The following SLC52A3 variants were observed in gnomAD, a reference collection of about 807,000 sequenced individuals.
SLC52A3 encodes the protein solute carrier family 52, riboflavin transporter, member 3.
Under a neutral mutation model 29.5 loss-of-function variants are expected in SLC52A3, and 20 were observed. The ratio of observed to expected loss-of-function variants is 0.68; its 90% CI spans 0.48 to 0.99. The LOEUF (loss-of-function observed/expected upper bound fraction) is 0.99. SLC52A3 is among the 50% of genes least tolerant of loss of function. The pLI is 0.00. For synonymous variants in SLC52A3, 301 were observed against 271.0 expected (o/e 1.11, Z -1.09); for missense variants, 548 against 612.9 (o/e 0.89, Z 1.12).
intron 2 of SLC52A3, 27 bp from the exon 3 acceptor site, chr20:764,030 T>C: frequency 1.1e-6 from 1 of 888,102 alleles, no homozygotes; most frequent in Non-Finnish European, 1.7e-6. Flanking sequence ...AGATCCCTGG[T>C]CAGGGGAGGG....
chr20:779,960 T>G (rs531588204), upstream of SLC52A3, among the ~76,000 whole-genome samples: 2 of 152,336 alleles, frequency 1.3e-5, no homozygotes, highest in African/African-American at 4.8e-5. Context: ...CTCTTGAGGT[T>G]GCAAGATAAC....
chr20:771,671 A>G (rs1427456976), upstream of SLC52A3, among the ~76,000 whole-genome samples: 1 of 100,174 alleles, frequency 1.0e-5, no homozygotes, highest in Non-Finnish European at 2.4e-5. Context: ...AGAGATATGA[A>G]AAAAAAAAAA....
At chr20:762,176 G>T (rs1222732053) in intron 3 of SLC52A3, among the ~76,000 whole-genome samples, 2 of 152,218 alleles carry the variant, frequency 1.3e-5, no homozygotes, top group African/African-American at 4.8e-5. Context: ...AGCAGAGCAT[G>T]CAGGCCTGGC....
chr20:761,513 C>A, intron 4 of SLC52A3, 188 bp downstream of exon 4: 1 of 854,462 alleles, frequency 1.2e-6, no homozygotes, highest in Non-Finnish European at 1.8e-6. Flanking sequence ...TGGGAAGAGG[C>A]CTACCAGTCA....
upstream of SLC52A3, among the ~76,000 whole-genome samples, chr20:773,130 G>A (rs1389244320): frequency 1.3e-5 from 2 of 152,178 alleles, no homozygotes; most frequent in African/African-American, 4.8e-5. Context: ...GTTTTTAACA[G>A]GATCGTGCTG....
Position 763,744 on chromosome 20 carries a change from G to T in SLC52A3, c.827C>A (p.Ala276Glu). 1 of 1,614,172 alleles carries T rather than the reference G, an allele frequency of 6.2e-7. No individual in the cohort carries two copies. The highest frequency in any genetic ancestry group is 2.2e-5 in the East Asian group (1 of 44,892). The stretch of plus-strand genomic sequence containing the variant: ...GCCCTGGCTGCTGTCCACCGTGCCT[G>T]CAGGGCCCAAGTCATTCTCTTCCCG... ...RPREENDLGP[A>E]GTVDSSQGQG... Residue 276 changes from alanine to glutamate, a missense_variant, in exon 3 of 5, where the codon GCA becomes GAA. This residue lies in a region of SLC52A3 where 375 missense variants were observed against 471.1 expected (regional missense o/e 0.80). Transcript: ENST00000645534.
chr20:769,399 C>T (rs1315066816), upstream of SLC52A3, among the ~76,000 whole-genome samples: 1 of 152,150 alleles, frequency 6.6e-6, no homozygotes, highest in East Asian at 1.9e-4. Context: ...AGCTTCAACC[C>T]TTACAAGCTG....
Position 765,897 on chromosome 20 carries a change from G to GC in SLC52A3, c.-51-73_-51-72insG. 1.1e-6 allele frequency: 1 copy of GC among 937,874 alleles called. No individual in the cohort carries two copies. Among genetic ancestry groups the GC allele is most frequent in the Non-Finnish European group, 1.7e-6 (1 of 603,576 alleles). 58.1% of individuals were successfully genotyped at this position (937,874 alleles called of 1,614,324 possible). A position where few individuals can be genotyped will look rare whatever the true frequency, so the allele number is the denominator to read the frequency against. On this transcript the variant is annotated intron_variant, in intron 1 of 4. Transcript: ENST00000645534. This position sits in a 1 kb window ranked among gnomAD's most constrained non-coding sequence, Gnocchi z 6.6. ...GCAAGATGCTGGGACCTGGGGCCCA[G>GC]AGTTTTCTCTTATTACTCCCCTTCC...
upstream of SLC52A3, among the ~76,000 whole-genome samples, chr20:770,898 G>A (rs1328982313): frequency 6.6e-6 from 1 of 152,176 alleles, no homozygotes; most frequent in African/African-American, 2.4e-5. This position sits in a 1 kb window ranked among gnomAD's most constrained non-coding sequence, Gnocchi z 4.5. Context: ...CCATTTGGCT[G>A]TCTGGAATCA....
At chr20:778,125 C>T (rs762485607), upstream of SLC52A3, among the ~76,000 whole-genome samples, 67 of 151,726 alleles carry the variant, frequency 4.4e-4, no homozygotes, top group Admixed American at 7.9e-4. Flanking sequence ...AAGTGATTCT[C>T]CTGCCACAGC....
intron 2 of SLC52A3, among the ~76,000 whole-genome samples, chr20:764,652 A>G (rs937850653): frequency 6.6e-6 from 1 of 152,230 alleles, no homozygotes; most frequent in Non-Finnish European, 1.5e-5. Context: ...CTATTGGCAT[A>G]TTTTTTATTT....
chr20:777,319 A>C (rs1326328305), upstream of SLC52A3, among the ~76,000 whole-genome samples: 1 of 152,146 alleles, frequency 6.6e-6, no homozygotes, highest in East Asian at 1.9e-4. Flanking sequence ...GCCAACCTGC[A>C]ACAGTGGTGT....
chr20:773,315 C>A (rs547253085), upstream of SLC52A3, among the ~76,000 whole-genome samples: 2 of 152,316 alleles, frequency 1.3e-5, no homozygotes, highest in African/African-American at 4.8e-5. Context: ...GAACACATTA[C>A]CTGTCAAATC....
upstream of SLC52A3, among the ~76,000 whole-genome samples, chr20:769,884 G>A (rs1986796447): frequency 1.3e-5 from 2 of 152,020 alleles, no homozygotes; most frequent in South Asian, 2.1e-4. Context: ...GCAACAGAGC[G>A]AGACTCCATC....
At chr20:773,043 C>T (rs920060583), upstream of SLC52A3, among the ~76,000 whole-genome samples, 2 of 152,198 alleles carry the variant, frequency 1.3e-5, no homozygotes, top group African/African-American at 4.8e-5. Context: ...TCCCCTGTGG[C>T]CCTGTGGTGA....
chr20:778,980 T>C (rs1375706820), upstream of SLC52A3, among the ~76,000 whole-genome samples: 1 of 152,166 alleles, frequency 6.6e-6, no homozygotes, highest in Non-Finnish European at 1.5e-5. Context: ...TCTTTGCTTG[T>C]ATAATTTTTT....
chr20:763,149 T>C (rs1195095823), intron 3 of SLC52A3, among the ~76,000 whole-genome samples: 1 of 152,184 alleles, frequency 6.6e-6, no homozygotes, highest in Non-Finnish European at 1.5e-5. Context: ...GGCTATCTGC[T>C]CCTCCTCATG....
chr20:778,015 T>TC (rs1257670295), upstream of SLC52A3, among the ~76,000 whole-genome samples: 6 of 120,408 alleles, frequency 5.0e-5, no homozygotes, highest in Non-Finnish European at 1.0e-4. Context: ...GAGACTTTCT[T>TC]TTTTTTTTTT....
chr20:764,545 C>T (rs62190485), intron 2 of SLC52A3, among the ~76,000 whole-genome samples: 13,724 of 44,650 alleles, frequency 0.31, 1,658 homozygotes, highest in Non-Finnish European at 0.35. Context: ...TAAGGAAGAA[C>T]ACTGCTCCAC....
Sources: gnomAD v4.1 joint callset for allele counts (sites outside exome capture counted in the v4.1 genomes callset) on GRCh38, gnomAD v4.1.1 for gene constraint, gnomAD v4.1.1 regional missense constraint, Gnocchi (gnomAD v3.1) non-coding constraint, MANE v1.5 for transcripts, NCBI Gene and HGNC (gene_info 2026-07-23, HGNC 2026-07-21) for gene names.